Variants in PDE10A observed in about 807,000 individuals in gnomAD.
The protein encoded by PDE10A is cAMP and cAMP-inhibited cGMP 3',5'-cyclic phosphodiesterase 10A.
A neutral mutation model predicts 97.7 loss-of-function variants in PDE10A; 39 were observed. The ratio of observed to expected loss-of-function variants is 0.40; its 90% CI spans 0.31 to 0.52. The LOEUF (loss-of-function observed/expected upper bound fraction) is 0.52, where lower values mean the gene tolerates loss of function less well. Ranked by LOEUF, PDE10A falls within the 20% of genes least tolerant of loss-of-function variation. PDE10A has a pLI of 0.56. For missense variants in PDE10A, 731 were observed against 1,047.8 expected (o/e 0.70, Z 4.17); for synonymous variants, 371 against 376.8 (o/e 0.98, Z 0.18).
intron 1 of PDE10A, among the ~76,000 whole-genome samples, chr6:165,820,604 C>T (rs772513668): frequency 1.3e-5 from 2 of 152,202 alleles, no homozygotes; most frequent in Non-Finnish European, 2.9e-5. Context: ...GGCCCCCCAG[C>T]GTCTGGTCCT....
intron 18 of PDE10A, among the ~76,000 whole-genome samples, chr6:165,369,610 C>T (rs1225553611): frequency 6.8e-6 from 1 of 145,992 alleles, no homozygotes; most frequent in Non-Finnish European, 1.5e-5. Context: ...GATTGGTGTA[C>T]CTGAAAGTGA....
chr6:165,419,197 A>G (rs1411790747), intron 10 of PDE10A, among the ~76,000 whole-genome samples: 1 of 152,200 alleles, frequency 6.6e-6, no homozygotes, highest in Non-Finnish European at 1.5e-5. Context: ...CACTACGACC[A>G]CCACTCATTC....
At chr6:165,370,778 T>G (rs1158123777) in intron 18 of PDE10A, among the ~76,000 whole-genome samples, 3 of 149,780 alleles carry the variant, frequency 2.0e-5, no homozygotes, top group African/African-American at 7.4e-5. Flanking sequence ...GAATATACAT[T>G]TTTTTCAGCA....
intron 2 of PDE10A, among the ~76,000 whole-genome samples, chr6:165,500,816 T>C (rs1403047965): frequency 1.3e-5 from 2 of 152,036 alleles, no homozygotes; most frequent in Admixed American, 1.3e-4. Flanking sequence ...CCCGATTGTA[T>C]GTTCTATTTA....
At chr6:165,518,060 A>G (rs928385509) in intron 2 of PDE10A, among the ~76,000 whole-genome samples, 4 of 152,176 alleles carry the variant, frequency 2.6e-5, no homozygotes, top group African/African-American at 9.7e-5. Context: ...TCCCAAATTC[A>G]ATTTTAAAGT....
chr6:165,392,904 A>G (rs963004894), intron 15 of PDE10A, 108 bp from the exon 16 acceptor site: 3 of 945,558 alleles, frequency 3.2e-6, no homozygotes, highest in African/African-American at 3.3e-5. Context: ...TACATTTGCA[A>G]CTCTAAAGAT....
chr6:165,526,013 C>T (rs1457477367), intron 2 of PDE10A, among the ~76,000 whole-genome samples: 1 of 152,070 alleles, frequency 6.6e-6, no homozygotes, highest in African/African-American at 2.4e-5. Context: ...GTTTACAGAC[C>T]CAGAACCCCT....
chr6:165,812,639 T>C (rs916121558), intron 1 of PDE10A, among the ~76,000 whole-genome samples: 13 of 152,216 alleles, frequency 8.5e-5, no homozygotes, highest in Non-Finnish European at 1.9e-4. Flanking sequence ...TTAATTATGG[T>C]GTGGTGAAAT....
chr6:165,392,464 T>C (rs1286859865), intron 16 of PDE10A, among the ~76,000 whole-genome samples, 182 bp downstream of exon 16: 1 of 152,194 alleles, frequency 6.6e-6, no homozygotes. Context: ...CTACATTTCT[T>C]ATACAAAATA....
At chr6:165,917,014 T>C (rs1464627068) in intron 1 of PDE10A, among the ~76,000 whole-genome samples, 1 of 152,048 alleles carries the variant, frequency 6.6e-6, no homozygotes, top group South Asian at 2.1e-4. Flanking sequence ...CTAAGACCTG[T>C]TGGGGTTGGG....
intron 1 of PDE10A, among the ~76,000 whole-genome samples, chr6:165,979,786 C>T (rs1410340079): frequency 3.3e-5 from 5 of 152,120 alleles, no homozygotes; most frequent in African/African-American, 2.4e-5. Context: ...ATAAAATGTG[C>T]GAAAGTCACG....
chr6:165,517,866 A>G (rs1292547768), intron 2 of PDE10A, among the ~76,000 whole-genome samples: 1 of 152,198 alleles, frequency 6.6e-6, no homozygotes. Context: ...TTTTTAATAT[A>G]TTCAGGTTGA....
Position 165,456,195 on chromosome 6 carries a change from T to C in PDE10A, c.1024-5833A>G, listed in dbSNP as rs563469043. On this transcript the variant is annotated intron_variant, in intron 3 of 21. Transcript: ENST00000539869. Reference sequence around the variant, plus strand: ...CCCCACAGTCTTTAAAAGGAGCTTCTATGAGAATGAAGCTAGCCTAAAAGA... The same window carrying C: ...CCCCACAGTCTTTAAAAGGAGCTTCCATGAGAATGAAGCTAGCCTAAAAGA... Among the ~76,000 whole-genome samples the C allele has an allele frequency of 4.6e-5, 7 of 152,344 alleles. No individual in the cohort carries two copies. In the South Asian group the frequency reaches 1.2e-3, roughly 27 times the overall value.
intron 6 of PDE10A, 68 bp from the exon 7 acceptor site, chr6:165,433,197 T>C (rs1789727002): frequency 1.6e-6 from 2 of 1,214,478 alleles, no homozygotes; most frequent in Admixed American, 2.0e-5. Flanking sequence ...TTCTTATTTC[T>C]ATCAGAAATT....
At chr6:165,852,735 T>G (rs1780606666) in intron 1 of PDE10A, among the ~76,000 whole-genome samples, 1 of 152,086 alleles carries the variant, frequency 6.6e-6, no homozygotes, top group Non-Finnish European at 1.5e-5. Context: ...TCCATGCGGG[T>G]GAGATACAGC....
chr6:165,776,299 G>A (rs1017550291), intron 1 of PDE10A, among the ~76,000 whole-genome samples: 1 of 152,130 alleles, frequency 6.6e-6, no homozygotes, highest in African/African-American at 2.4e-5. Flanking sequence ...GAAAATTTAA[G>A]AACATTAATA....
intron 1 of PDE10A, among the ~76,000 whole-genome samples, chr6:165,807,609 A>C (rs2128466718): frequency 6.6e-6 from 1 of 152,296 alleles, no homozygotes; most frequent in South Asian, 2.1e-4. Context: ...AAAGAAGAAA[A>C]GGACAAGTTC....
At chr6:165,527,069 A>G (rs1782490463) in intron 2 of PDE10A, among the ~76,000 whole-genome samples, 1 of 152,204 alleles carries the variant, frequency 6.6e-6, no homozygotes, top group Admixed American at 6.5e-5. Context: ...AAATCCGACT[A>G]AAATTCAGGG....
intron 1 of PDE10A, among the ~76,000 whole-genome samples, chr6:165,613,305 T>C (rs1171141653): frequency 6.6e-6 from 1 of 152,152 alleles, no homozygotes; most frequent in Non-Finnish European, 1.5e-5. Context: ...AATTGCCTGT[T>C]TGGGGACACG....
Sources: allele counts gnomAD v4.1 joint callset (sites outside exome capture counted in the v4.1 genomes callset), GRCh38; gene constraint gnomAD v4.1.1; transcripts MANE v1.5; gene names NCBI Gene and HGNC (gene_info 2026-07-23, HGNC 2026-07-21).